Variants in CHSY3 observed in about 807,000 individuals in gnomAD.
CHSY3 encodes chondroitin sulfate synthase 3.
In CHSY3, 35 loss-of-function variants were observed where a neutral mutation model predicts 67.2. That is an observed-to-expected ratio of 0.52 (90% CI 0.40 to 0.69). The LOEUF is 0.69. Among genes scored for constraint, CHSY3 ranks in the 30% least tolerant of loss-of-function variants. The pLI, the probability that CHSY3 is intolerant of heterozygous loss-of-function variation, is 0.00. For synonymous variants in CHSY3, 474 were observed against 434.7 expected (o/e 1.09, Z -1.12); for missense variants, 1,069 against 1,138.5 (o/e 0.94, Z 0.88).
chr5:130,185,337 G>T lies in CHSY3; in HGVS notation c.2195G>T (p.Arg732Ile), dbSNP rs1297762730. 1 of 1,609,092 alleles carries T rather than the reference G, an allele frequency of 6.2e-7. No homozygotes were observed. The highest frequency in any genetic ancestry group is 1.3e-5 in the African/African-American group (1 of 74,842). The change falls in exon 3 of 3, where the codon AGA (arginine) becomes ATA (isoleucine). Residue 732 changes from arginine to isoleucine, a missense_variant. Coordinates refer to ENST00000305031, the MANE Select transcript of CHSY3 (RefSeq NM_175856.5). ...IFREDFLQRC[R>I]DNTIQGQQVY... ...AGAGAAGATTTTCTCCAACGATGTA[G>T]AGACAATACAATTCAGGGACAACAG...
At chr5:130,039,393 G>T (rs1252176662) in intron 2 of CHSY3, among the ~76,000 whole-genome samples, 3 of 129,740 alleles carry the variant, frequency 2.3e-5, no homozygotes, top group African/African-American at 5.3e-5. Context: ...TTGGGTGGCT[G>T]AGGTGGGATG....
chr5:130,059,299 C>T (rs993544937), intron 2 of CHSY3, among the ~76,000 whole-genome samples: 1 of 152,050 alleles, frequency 6.6e-6, no homozygotes, highest in Non-Finnish European at 1.5e-5. Flanking sequence ...GAATTTCAAG[C>T]CTGCCAGCCT....
chr5:130,070,321 A>AT (rs1213629513), intron 2 of CHSY3, among the ~76,000 whole-genome samples: 3 of 152,130 alleles, frequency 2.0e-5, no homozygotes, highest in African/African-American at 7.2e-5. Context: ...GAATCAAGCA[A>AT]TTTGAGTTTT....
chr5:129,914,105 C>T (rs1760657754), intron 2 of CHSY3, among the ~76,000 whole-genome samples: 1 of 152,100 alleles, frequency 6.6e-6, no homozygotes, highest in South Asian at 2.1e-4. Flanking sequence ...CTTCCTATTC[C>T]ATATAAATTT....
At chr5:130,070,768 A>G (rs1766035523) in intron 2 of CHSY3, among the ~76,000 whole-genome samples, 1 of 152,118 alleles carries the variant, frequency 6.6e-6, no homozygotes, top group Non-Finnish European at 1.5e-5. Flanking sequence ...AAGTGTTAAT[A>G]AAAGTAAGAT....
At chr5:130,119,215 A>T (rs1482513119) in intron 2 of CHSY3, among the ~76,000 whole-genome samples, 3 of 152,298 alleles carry the variant, frequency 2.0e-5, no homozygotes, top group South Asian at 2.1e-4. Context: ...CCAGAACTCC[A>T]ACTCAGGACT....
At chr5:130,058,771 T>TTC (rs1160133282) in intron 2 of CHSY3, among the ~76,000 whole-genome samples, 1 of 152,234 alleles carries the variant, frequency 6.6e-6, no homozygotes, top group African/African-American at 2.4e-5. Flanking sequence ...TGTTCTCTTA[T>TTC]TCTTCTGGAG....
At chr5:130,112,321 G>C (rs979020682) in intron 2 of CHSY3, among the ~76,000 whole-genome samples, 1 of 152,104 alleles carries the variant, frequency 6.6e-6, no homozygotes, top group Non-Finnish European at 1.5e-5. Flanking sequence ...CTTCAGAAAT[G>C]AACTTTGGTT....
chr5:129,916,669 C>T (rs552133137), intron 2 of CHSY3, among the ~76,000 whole-genome samples: 1 of 152,012 alleles, frequency 6.6e-6, no homozygotes. Context: ...AATGTTCTGC[C>T]TTAGAATTCA....
At chr5:130,015,675 T>G (rs1055170760) in intron 2 of CHSY3, among the ~76,000 whole-genome samples, 1 of 152,164 alleles carries the variant, frequency 6.6e-6, no homozygotes, top group African/African-American at 2.4e-5. Context: ...GGAAAGAATT[T>G]TAAAGATTCT....
At chr5:130,066,774 C>A (rs1765897677) in intron 2 of CHSY3, among the ~76,000 whole-genome samples, 1 of 152,098 alleles carries the variant, frequency 6.6e-6, no homozygotes. Flanking sequence ...AAGGCGTAAG[C>A]TGCAGGACCA....
At chr5:130,082,854 ATATG>A (rs1196955630) in intron 2 of CHSY3, among the ~76,000 whole-genome samples, 1 of 151,710 alleles carries the variant, frequency 6.6e-6, no homozygotes, top group Non-Finnish European at 1.5e-5. Flanking sequence ...AGCACTATAT[ATATG>A]TGTGTATATA....
At chr5:129,952,865 A>T (rs917402421) in intron 2 of CHSY3, among the ~76,000 whole-genome samples, 2 of 152,346 alleles carry the variant, frequency 1.3e-5, no homozygotes. Context: ...TTAATCATCA[A>T]ACACTGTAAG....
chr5:130,089,465 G>T (rs186114048), intron 2 of CHSY3, among the ~76,000 whole-genome samples: 1 of 152,144 alleles, frequency 6.6e-6, no homozygotes, highest in Non-Finnish European at 1.5e-5. Context: ...AGTAACCAAA[G>T]AATTTGCTGC....
intron 2 of CHSY3, among the ~76,000 whole-genome samples, chr5:130,090,888 C>T (rs1296794009): frequency 6.6e-6 from 1 of 152,036 alleles, no homozygotes; most frequent in Non-Finnish European, 1.5e-5. Flanking sequence ...GGGAACTTTG[C>T]CTTTGCCTAT....
At chr5:129,998,410 T>C (rs1416422758) in intron 2 of CHSY3, among the ~76,000 whole-genome samples, 1 of 152,192 alleles carries the variant, frequency 6.6e-6, no homozygotes, top group Non-Finnish European at 1.5e-5. Flanking sequence ...TAAGATTGTT[T>C]TGTGTTTTGA....
chr5:130,089,121 G>A (rs1766780472), intron 2 of CHSY3, among the ~76,000 whole-genome samples: 1 of 148,782 alleles, frequency 6.7e-6, no homozygotes, highest in African/African-American at 2.5e-5. Context: ...CTATTGCAAG[G>A]ACAAAAAACC....
intron 2 of CHSY3, among the ~76,000 whole-genome samples, chr5:130,135,327 C>A: frequency 6.6e-6 from 1 of 151,874 alleles, no homozygotes; most frequent in Middle Eastern, 3.2e-3. Context: ...TTCTTTCACT[C>A]AATCACATCT....
intron 2 of CHSY3, among the ~76,000 whole-genome samples, chr5:129,971,431 A>G (rs1350209086): frequency 6.6e-6 from 1 of 151,890 alleles, no homozygotes; most frequent in Non-Finnish European, 1.5e-5. Flanking sequence ...TAATTCTTCA[A>G]TCATTGGCTA....
Sources: allele counts gnomAD v4.1 joint callset (sites outside exome capture counted in the v4.1 genomes callset), GRCh38; gene constraint gnomAD v4.1.1; transcripts MANE v1.5; gene names NCBI Gene and HGNC (gene_info 2026-07-23, HGNC 2026-07-21).